The following INO80 variants were observed in gnomAD, a reference collection of about 807,000 sequenced individuals.
INO80 encodes the protein INO80 complex ATPase subunit, also known as chromatin-remodeling ATPase INO80.
Under a neutral mutation model 203.4 loss-of-function variants are expected in INO80, and 20 were observed. The ratio of observed to expected loss-of-function variants is 0.10; its 90% confidence interval spans 0.07 to 0.14. The LOEUF (loss-of-function observed/expected upper bound fraction) is 0.14, where lower values mean the gene tolerates loss of function less well. Ranked by LOEUF, INO80 falls within the 10% of genes least tolerant of loss-of-function variation. The pLI is 1.00. For missense variants in INO80, 1,419 were observed against 1,914.4 expected (o/e 0.74, Z 4.83); for synonymous variants, 726 against 685.2 (o/e 1.06, Z -0.93).
In INO80 at chr15:41,027,705, A is replaced by G; in HGVS notation, c.2939T>C (p.Val980Ala). 1 of 1,609,050 alleles carries G rather than the reference A, an allele frequency of 6.2e-7. No homozygotes were observed. Among genetic ancestry groups the G allele is most frequent in the Non-Finnish European group, 8.5e-7 (1 of 1,177,260 alleles). ...SLVFSSHCKAVSGYSDQVVHQ... is the reference protein window; with the variant it reads ...SLVFSSHCKAASGYSDQVVHQ... ...GACAACCTGGTCTGAGTAGCCACTC[A>G]CTGCTTTACAGTGGCTGCTGAAAAC... Residue 980 changes from valine (V) to alanine (A), a missense_variant, in exon 25 of 36, where the codon GTG becomes GCG. Val to Ala is a moderately conservative substitution (Grantham distance 64). Around this residue, in one of 9 missense-constraint regions of INO80, gnomAD observed 302 missense variants for 345.4 expected, o/e 0.87. Transcript: ENST00000648947.
chr15:41,087,781 A>G, intron 5 of INO80, 99 bp from the exon 6 acceptor site: 1 of 1,198,770 alleles, frequency 8.3e-7, no homozygotes, highest in Non-Finnish European at 1.1e-6. Flanking sequence ...CATAGCTCCT[A>G]AATACAGTAT....
intron 24 of INO80, among the ~76,000 whole-genome samples, chr15:41,043,667 G>C (rs899933219): frequency 6.6e-6 from 1 of 152,096 alleles, no homozygotes; most frequent in African/African-American, 2.4e-5. Context: ...AGGATACAAG[G>C]AAAATGACCT....
intron 5 of INO80, among the ~76,000 whole-genome samples, chr15:41,089,595 T>C (rs535066219): frequency 4.6e-5 from 7 of 152,008 alleles, no homozygotes; most frequent in African/African-American, 1.4e-4. Flanking sequence ...AATACAAAAA[T>C]AGCCAGGCGC....
intron 5 of INO80, 56 bp from the exon 6 acceptor site, chr15:41,087,738 A>G (rs1028524393): frequency 9.7e-6 from 15 of 1,549,316 alleles, no homozygotes; most frequent in Non-Finnish European, 1.2e-5. Context: ...CTTTCAAATT[A>G]CCTTTACTAC....
chr15:41,095,556 T>G (rs1157788473), intron 4 of INO80, 45 bp downstream of exon 4: 1 of 1,369,248 alleles, frequency 7.3e-7, no homozygotes, highest in African/African-American at 1.4e-5. Flanking sequence ...TATTAGTAAC[T>G]TTAGTAGACT....
chr15:41,036,537 T>G (rs967939617), intron 24 of INO80, among the ~76,000 whole-genome samples: 11 of 123,260 alleles, frequency 8.9e-5, no homozygotes, highest in African/African-American at 2.9e-4. Flanking sequence ...TTCACAAAAT[T>G]CTATTTAAAA....
intron 16 of INO80, among the ~76,000 whole-genome samples, chr15:41,057,564 A>G (rs1292464512): frequency 1.3e-5 from 2 of 152,062 alleles, no homozygotes; most frequent in African/African-American, 4.8e-5. Flanking sequence ...TGGGAGGCAG[A>G]GGCAGGTGGA....
rs1339354010 is a variant in INO80 at position 41,058,556 on chromosome 15, TGTGTGTGTGTGTGC to T, written c.1985+69_1985+82del. The stretch of plus-strand genomic sequence containing the variant: ...TTTTATTCATATATACAAGTCTGTG[TGTGTGTGTGTGTGC>T]GTGTGTGTGTGTGTGTGTGTGTGTA... On this transcript the variant is annotated intron_variant, in intron 16 of 35. Coordinates refer to ENST00000648947, the MANE Select transcript of INO80 (RefSeq NM_017553.3). 2.1e-5 allele frequency: 22 copies of T among 1,023,514 alleles called. 1 individual carries two copies. Among genetic ancestry groups the T allele is most frequent in the Non-Finnish European group, 2.7e-5 (19 of 709,248 alleles). The allele number at this position is 1,023,514 out of a possible 1,614,324, so 63.4% of individuals were successfully genotyped here. A position where few individuals can be genotyped will look rare whatever the true frequency, so the allele number is the denominator to read the frequency against.
rs190373285 is a variant in INO80 at position 41,057,334 on chromosome 15, T to C, written c.1986-628A>G. The stretch of plus-strand genomic sequence containing the variant: ...AGCCCAGCATGGTGGCACACGCCTA[T>C]AGTCCCAGCTCTGAGACTGAGATGG... On this transcript the variant is annotated intron_variant, in intron 16 of 35. Transcript: ENST00000648947. Among the ~76,000 whole-genome samples the C allele has an allele frequency of 1.2e-4, 19 of 152,002 alleles. No homozygotes were observed. In the East Asian group the frequency reaches 1.6e-3, roughly 12 times the overall value.
At chr15:41,098,940 C>A (rs2045764257) in intron 1 of INO80, among the ~76,000 whole-genome samples, 1 of 151,776 alleles carries the variant, frequency 6.6e-6, no homozygotes, top group Non-Finnish European at 1.5e-5. Context: ...CTACTTCATA[C>A]CCACTAGAAT....
intron 28 of INO80, among the ~76,000 whole-genome samples, chr15:41,003,755 G>A (rs1483939346): frequency 6.6e-6 from 1 of 152,142 alleles, no homozygotes; most frequent in Non-Finnish European, 1.5e-5. Flanking sequence ...TAAATGTACA[G>A]TATCAAATAT....
At chr15:41,080,818 A>C (rs939068028) in intron 8 of INO80, among the ~76,000 whole-genome samples, 1 of 152,236 alleles carries the variant, frequency 6.6e-6, no homozygotes, top group East Asian at 1.9e-4. Flanking sequence ...CTGCCACTGC[A>C]CTCCAGCCTG....
At chr15:41,072,245 T>C (rs1203782547) in intron 11 of INO80, among the ~76,000 whole-genome samples, 187 bp from the exon 12 acceptor site, 2 of 152,062 alleles carry the variant, frequency 1.3e-5, no homozygotes, top group Non-Finnish European at 2.9e-5. Context: ...TTACTAATAT[T>C]ATTTAATGTA....
chr15:41,071,753 G>C, intron 12 of INO80, 96 bp downstream of exon 12: 1 of 1,141,430 alleles, frequency 8.8e-7, no homozygotes, highest in Non-Finnish European at 1.3e-6. Context: ...GAGCCACCGC[G>C]CTCAGCCAGA....
At chr15:41,027,100 G>A (rs2044386696) in intron 25 of INO80, among the ~76,000 whole-genome samples, 1 of 152,174 alleles carries the variant, frequency 6.6e-6, no homozygotes, top group Non-Finnish European at 1.5e-5. Flanking sequence ...GGCTGCTTTG[G>A]AAAGCAAGAA....
At chr15:41,114,665 C>T (rs1178715576) in intron 1 of INO80, among the ~76,000 whole-genome samples, 2 of 150,718 alleles carry the variant, frequency 1.3e-5, no homozygotes, top group African/African-American at 4.9e-5. Flanking sequence ...GTCGGGACCC[C>T]GCCACTGCAC....
chr15:41,012,363 T>G (rs1231627518), intron 27 of INO80, among the ~76,000 whole-genome samples: 2 of 151,644 alleles, frequency 1.3e-5, no homozygotes, highest in Non-Finnish European at 2.9e-5. Context: ...GGTCAGGAGT[T>G]TGAGACCAGC....
chr15:41,004,645 A>G (rs2044010456), intron 28 of INO80: 1 of 152,150 alleles, frequency 6.6e-6, no homozygotes, highest in Non-Finnish European at 1.5e-5. Flanking sequence ...GAGAAGCTGC[A>G]CTCAGGATAA....
chr15:41,052,568 G>A (rs1352490639), intron 19 of INO80, among the ~76,000 whole-genome samples: 1 of 151,314 alleles, frequency 6.6e-6, no homozygotes, highest in Non-Finnish European at 1.5e-5. Context: ...AGCTACTAGG[G>A]AAGCTGAGGT....
Sources: allele counts gnomAD v4.1 joint callset (sites outside exome capture counted in the v4.1 genomes callset), GRCh38; gene constraint gnomAD v4.1.1; regional missense constraint gnomAD v4.1.1; transcripts MANE v1.5; gene names NCBI Gene and HGNC (gene_info 2026-07-23, HGNC 2026-07-21).